The following MBD5 variants were observed in gnomAD, a reference collection of about 807,000 sequenced individuals.
MBD5 encodes the protein methyl-CpG binding domain protein 5, also known as methyl-CpG-binding domain protein 5.
Under a neutral mutation model 117.3 loss-of-function variants are expected in MBD5, and 13 were observed. The ratio of observed to expected loss-of-function variants is 0.11; its 90% confidence interval spans 0.07 to 0.18. MBD5 has a LOEUF of 0.18. Ranked by LOEUF, MBD5 falls within the 10% of genes least tolerant of loss-of-function variation. The probability of loss-of-function intolerance (pLI) is 1.00; values close to 1 mark genes in which losing one functional copy is unlikely to be tolerated. For missense variants in MBD5, 1,879 were observed against 2,093.8 expected (o/e 0.90, Z 2.00); for synonymous variants, 727 against 766.4 (o/e 0.95, Z 0.85).
intron 8 of MBD5, among the ~76,000 whole-genome samples, chr2:148,475,849 T>G (rs924574596): frequency 3.9e-5 from 6 of 152,198 alleles, no homozygotes; most frequent in African/African-American, 1.4e-4. Flanking sequence ...CATTTTTTCA[T>G]GCATGTAGTA....
chr2:148,406,273 G>C (rs1705074739), intron 4 of MBD5, among the ~76,000 whole-genome samples: 1 of 152,124 alleles, frequency 6.6e-6, no homozygotes, highest in Non-Finnish European at 1.5e-5. Context: ...GTTTTCCAAT[G>C]TCTAAAATAA....
intron 4 of MBD5, among the ~76,000 whole-genome samples, chr2:148,397,240 T>C (rs1453853284): frequency 6.6e-6 from 1 of 151,890 alleles, no homozygotes; most frequent in Non-Finnish European, 1.5e-5. Context: ...GATCATATGG[T>C]CAACGTGATT....
chr2:148,361,291 A>G (rs1245800297), intron 4 of MBD5, among the ~76,000 whole-genome samples: 2 of 152,100 alleles, frequency 1.3e-5, no homozygotes, highest in African/African-American at 4.8e-5. Context: ...TGAAAGTTGC[A>G]GTGAGCCAAG....
intron 1 of MBD5, among the ~76,000 whole-genome samples, chr2:148,150,620 G>A (rs1697630947): frequency 6.6e-6 from 1 of 151,650 alleles, no homozygotes; most frequent in African/African-American, 2.4e-5. Context: ...ATTTCCTGGA[G>A]CAGTGGTTTG....
chr2:148,438,807 A>G (rs984756845), intron 4 of MBD5, among the ~76,000 whole-genome samples: 5 of 152,180 alleles, frequency 3.3e-5, no homozygotes, highest in Admixed American at 3.3e-4. Context: ...AAGTTCTCGA[A>G]GAGACCTGTT....
chr2:148,082,518 A>G (rs1225457208), intron 1 of MBD5, among the ~76,000 whole-genome samples: 2 of 152,310 alleles, frequency 1.3e-5, no homozygotes, highest in East Asian at 1.9e-4. Context: ...TGGCATTAGC[A>G]TATTCATTCA....
intron 3 of MBD5, among the ~76,000 whole-genome samples, chr2:148,297,473 T>G (rs570642442): frequency 6.6e-6 from 1 of 152,308 alleles, no homozygotes; most frequent in African/African-American, 2.4e-5. Flanking sequence ...TGCTGTTTGC[T>G]TCTATTGGTA....
intron 4 of MBD5, among the ~76,000 whole-genome samples, chr2:148,343,667 G>A (rs1485708644): frequency 6.6e-6 from 1 of 151,992 alleles, no homozygotes; most frequent in Admixed American, 6.6e-5. Context: ...TATAGATTCT[G>A]GATATAAGAC....
chr2:148,319,036 G>A (rs989399710), intron 3 of MBD5, among the ~76,000 whole-genome samples: 5 of 152,106 alleles, frequency 3.3e-5, no homozygotes, highest in South Asian at 4.1e-4. Flanking sequence ...TATTTTTGTT[G>A]ACTTTGTTGG....
intron 4 of MBD5, among the ~76,000 whole-genome samples, chr2:148,348,720 AAC>A (rs1214569986): frequency 1.3e-5 from 2 of 151,968 alleles, no homozygotes; most frequent in Admixed American, 6.6e-5. Context: ...TAGACATTCC[AAC>A]ATTGTGAGAA....
chr2:148,407,205 A>G (rs1409594342), intron 4 of MBD5, among the ~76,000 whole-genome samples: 2 of 152,242 alleles, frequency 1.3e-5, no homozygotes, highest in African/African-American at 4.8e-5. Context: ...AAAGATGAAC[A>G]TAAATGTTAT....
At chr2:148,061,726 G>A (rs1235857851) in intron 1 of MBD5, among the ~76,000 whole-genome samples, 1 of 151,714 alleles carries the variant, frequency 6.6e-6, no homozygotes, top group Non-Finnish European at 1.5e-5. Context: ...TCTTGAATCA[G>A]TCTATGAAAA....
Position 148,139,602 on chromosome 2 carries a change from G to C in MBD5, c.-924-39098G>C, listed in dbSNP as rs190590429. Among the ~76,000 whole-genome samples the C allele has an allele frequency of 9.3e-4, 142 of 152,206 alleles. 1 individual carries two copies. The highest frequency in any genetic ancestry group is 2.0e-3 in the Admixed American group (31 of 15,290). On this transcript the variant is annotated intron_variant, in intron 1 of 13. Transcript: ENST00000642680. ...AAAAGCAGTGTGAAATCTAGGCCTT[G>C]GTATATGTAAAGAAAATAGTCCATA...
chr2:148,243,837 C>T (rs143714351), intron 3 of MBD5: 2 of 152,096 alleles, frequency 1.3e-5, no homozygotes, highest in African/African-American at 4.8e-5. Flanking sequence ...AACAAAAGCA[C>T]ACATATCACA....
rs138231840 is a variant in MBD5, at chr2:148,147,213, G to A, written c.-924-31487G>A. Among the ~76,000 whole-genome samples the A allele has an allele frequency of 1.9e-3, 295 of 151,688 alleles. 1 individual carries two copies. Among genetic ancestry groups the A allele is most frequent in the African/African-American group, 6.6e-3 (272 of 41,442 alleles). On this transcript the variant is annotated intron_variant, in intron 1 of 13. Transcript: ENST00000642680. ...TATATCATAATTTGTTGTCAAAACTGAACATTTTATTTATTTATTTTTATT... is the reference window on the plus strand; with the variant it reads ...TATATCATAATTTGTTGTCAAAACTAAACATTTTATTTATTTATTTTTATT...
At chr2:148,268,808 C>T (rs1394184512) in intron 3 of MBD5, among the ~76,000 whole-genome samples, 1 of 151,836 alleles carries the variant, frequency 6.6e-6, no homozygotes, top group Admixed American at 6.6e-5. Context: ...ATAGACATTT[C>T]ATATTCTCCA....
At chr2:148,048,468 T>G (rs975820094) in intron 1 of MBD5, among the ~76,000 whole-genome samples, 1 of 152,168 alleles carries the variant, frequency 6.6e-6, no homozygotes, top group Admixed American at 6.5e-5. Context: ...TAATACAACC[T>G]GGCAAATGCT....
chr2:148,120,043 A>T (rs1387329367), intron 1 of MBD5, among the ~76,000 whole-genome samples: 1 of 152,076 alleles, frequency 6.6e-6, no homozygotes, highest in Non-Finnish European at 1.5e-5. Context: ...CAGCCCCCTA[A>T]GTATCTGGGA....
rs897743033 is a variant in MBD5, at chr2:148,514,365, C to G, written c.*1424C>G. 3.3e-5 allele frequency: 5 copies of G among 152,196 alleles called. No homozygotes were observed. The highest frequency in any genetic ancestry group is 7.3e-5 in the Non-Finnish European group (5 of 68,032). 9.4% of individuals were successfully genotyped at this position (152,196 alleles called of 1,614,324 possible). A position where few individuals can be genotyped will look rare whatever the true frequency, so the allele number is the denominator to read the frequency against. Reference sequence around the variant, plus strand: ...GCACAACATAATTTTCCGTCTTCTTCTCACAATTTTTGTGGTGGTGGTATT... The same window carrying G: ...GCACAACATAATTTTCCGTCTTCTTGTCACAATTTTTGTGGTGGTGGTATT... On this transcript the variant is annotated 3_prime_UTR_variant, in exon 14 of 14. Coordinates refer to ENST00000642680, the MANE Select transcript of MBD5 (RefSeq NM_001378120.1).
Sources: gnomAD v4.1 joint callset for allele counts (sites outside exome capture counted in the v4.1 genomes callset) on GRCh38, gnomAD v4.1.1 for gene constraint, MANE v1.5 for transcripts, NCBI Gene and HGNC (gene_info 2026-07-23, HGNC 2026-07-21) for gene names.